RASGRF1: variants seen among roughly 807,000 people sequenced by gnomAD.
The protein encoded by RASGRF1 is ras-specific guanine nucleotide-releasing factor 1.
A neutral mutation model predicts 138.7 loss-of-function variants in RASGRF1; 40 were observed. The observed-to-expected ratio is 0.29, with a 90% CI of 0.22 to 0.38. The LOEUF is 0.38. RASGRF1 is among the 10% of genes least tolerant of loss of function. The pLI is 1.00. For missense variants in RASGRF1, 1,108 were observed against 1,650.4 expected (o/e 0.67, Z 5.69); for synonymous variants, 614 against 663.2 (o/e 0.93, Z 1.14).
intron 26 of RASGRF1, among the ~76,000 whole-genome samples, chr15:78,971,236 G>T (rs548734726): frequency 6.6e-5 from 10 of 152,268 alleles, no homozygotes; most frequent in African/African-American, 2.2e-4. Flanking sequence ...TTTGTGCCTT[G>T]TCTGTAGCAG....
At chr15:78,976,114 A>G (rs764703568) in intron 24 of RASGRF1, among the ~76,000 whole-genome samples, 23 of 152,128 alleles carry the variant, frequency 1.5e-4, no homozygotes, top group Non-Finnish European at 3.1e-4. Flanking sequence ...GTTTCTGACC[A>G]CCCAGATCAG....
At chr15:79,008,783 G>A (rs530908871) in intron 13 of RASGRF1, among the ~76,000 whole-genome samples, 8 of 152,312 alleles carry the variant, frequency 5.3e-5, no homozygotes, top group Admixed American at 4.6e-4. Context: ...AGTAGCAAAC[G>A]AGAGAAGCCA....
intron 14 of RASGRF1, chr15:79,004,703 A>C: frequency 1.0e-6 from 1 of 985,988 alleles, no homozygotes. Flanking sequence ...TGGGAAGCTG[A>C]AAGTGGCCCC....
At chr15:78,981,486 C>T (rs535343967) in intron 23 of RASGRF1, 3 of 152,286 alleles carry the variant, frequency 2.0e-5, no homozygotes, top group East Asian at 1.9e-4. Flanking sequence ...GCTGAGAAAC[C>T]GCGGGAGCAC....
chr15:79,045,048 C>T (rs1206646731), intron 5 of RASGRF1, among the ~76,000 whole-genome samples: 1 of 151,952 alleles, frequency 6.6e-6, no homozygotes, highest in African/African-American at 2.4e-5. Flanking sequence ...GCCTAAAATG[C>T]AAAAAAAGCA....
intron 23 of RASGRF1, among the ~76,000 whole-genome samples, chr15:78,984,182 C>G (rs982734829): frequency 6.6e-6 from 1 of 152,156 alleles, no homozygotes. Context: ...CCACTGGGTC[C>G]CACACAGCCC....
At chr15:79,008,996 G>A (rs1294308977) in intron 13 of RASGRF1, among the ~76,000 whole-genome samples, 2 of 152,146 alleles carry the variant, frequency 1.3e-5, no homozygotes, top group East Asian at 3.9e-4. Flanking sequence ...CGTCTGATAA[G>A]GTTAGTGATG....
chr15:79,051,531 CTG>C (rs2057430512), intron 3 of RASGRF1, among the ~76,000 whole-genome samples: 1 of 152,228 alleles, frequency 6.6e-6, no homozygotes, highest in Admixed American at 6.5e-5. Flanking sequence ...CTTCTCACCT[CTG>C]TGCCAGGATG....
At position 78,980,674 on chromosome 15, in the gene RASGRF1, T is replaced by G; in HGVS notation, c.3440A>C (p.Gln1147Pro). ...KQTKALIDKL[Q>P]KLVSSEGRFK... ...TCTGCCCTCAGATGACACAAGCTTT[T>G]GGAGCTTATCAATCAAAGCTTTAGT... Residue 1147 changes from glutamine to proline, a missense_variant, in exon 24 of 27, where the codon CAA becomes CCA. Physicochemically the swap from Gln to Pro is moderately conservative, Grantham distance 76. Coordinates refer to ENST00000558480, the MANE Select transcript of RASGRF1 (RefSeq NM_001145648.3). The G allele has an allele frequency of 6.2e-7, 1 of 1,605,944 alleles. No homozygotes were observed. Among genetic ancestry groups the G allele is most frequent in the Non-Finnish European group, 8.5e-7 (1 of 1,173,170 alleles).
intron 5 of RASGRF1, among the ~76,000 whole-genome samples, chr15:79,042,949 G>T (rs2057315198): frequency 6.6e-6 from 1 of 152,214 alleles, no homozygotes; most frequent in Admixed American, 6.5e-5. Context: ...CTGTCCCTAA[G>T]TGATCAGGTA....
intron 1 of RASGRF1, among the ~76,000 whole-genome samples, chr15:79,083,281 C>T (rs576545886): frequency 2.0e-4 from 31 of 152,354 alleles, no homozygotes; most frequent in African/African-American, 6.3e-4. Flanking sequence ...GCTCCCTGCA[C>T]GACAGTCGCC....
At chr15:79,045,089 T>A (rs1402828226) in intron 5 of RASGRF1, among the ~76,000 whole-genome samples, 2 of 152,232 alleles carry the variant, frequency 1.3e-5, no homozygotes, top group Non-Finnish European at 2.9e-5. Context: ...TACTGCCTCC[T>A]GAAGTAAACC....
At chr15:79,014,938 CAAA>C (rs2056855623) in intron 13 of RASGRF1, among the ~76,000 whole-genome samples, 1 of 146,402 alleles carries the variant, frequency 6.8e-6, no homozygotes, top group Non-Finnish European at 1.5e-5. Flanking sequence ...AAACAAAAAA[CAAA>C]AAACAAAAAA....
chr15:79,081,259 A>C (rs2057910227), intron 1 of RASGRF1, among the ~76,000 whole-genome samples: 1 of 152,238 alleles, frequency 6.6e-6, no homozygotes, highest in South Asian at 2.1e-4. Context: ...ATGGCCCACC[A>C]CTAAAGCACA....
At chr15:79,033,243 CTTTA>C (rs950952870) in intron 6 of RASGRF1, among the ~76,000 whole-genome samples, 11 of 152,022 alleles carry the variant, frequency 7.2e-5, no homozygotes, top group African/African-American at 2.4e-4. Flanking sequence ...TCTTCCTTAT[CTTTA>C]TTTATTTATT....
intron 1 of RASGRF1, among the ~76,000 whole-genome samples, chr15:79,078,581 C>G (rs1157562869): frequency 6.6e-6 from 1 of 152,194 alleles, no homozygotes; most frequent in African/African-American, 2.4e-5. Flanking sequence ...AGATCCCCCA[C>G]ACCAATCCAG....
chr15:78,978,948 A>G (rs1274366300), intron 24 of RASGRF1: 2 of 1,285,192 alleles, frequency 1.6e-6, no homozygotes, highest in Admixed American at 2.3e-5. Flanking sequence ...AGGCCACCTG[A>G]AAGAGGGAAG....
chr15:78,999,269 T>TTTC (rs1415398395), intron 17 of RASGRF1, among the ~76,000 whole-genome samples: 14 of 151,066 alleles, frequency 9.3e-5, no homozygotes, highest in Admixed American at 9.2e-4. Context: ...GGGCGATGGG[T>TTTC]GGGAAGGAAG....
intron 13 of RASGRF1, among the ~76,000 whole-genome samples, chr15:79,014,513 C>G (rs564719649): frequency 9.8e-5 from 15 of 152,304 alleles, no homozygotes; most frequent in African/African-American, 3.6e-4. Context: ...ATTGTATGTT[C>G]TCATTCATAA....
Sources: allele counts gnomAD v4.1 joint callset (sites outside exome capture counted in the v4.1 genomes callset), GRCh38; gene constraint gnomAD v4.1.1; transcripts MANE v1.5; gene names NCBI Gene and HGNC (gene_info 2026-07-23, HGNC 2026-07-21).